Variants in MDGA2 observed in about 807,000 individuals in gnomAD.
MDGA2 encodes the protein MAM domain-containing glycosylphosphatidylinositol anchor protein 2.
MDGA2 carries 40 observed loss-of-function variants against 117.8 expected under a neutral mutation model. The ratio of observed to expected loss-of-function variants is 0.34; its 90% confidence interval spans 0.26 to 0.44. The LOEUF (loss-of-function observed/expected upper bound fraction) is 0.44, where lower values mean the gene tolerates loss of function less well. MDGA2 is among the 20% of genes least tolerant of loss of function. The probability of loss-of-function intolerance (pLI) is 1.00; values close to 1 mark genes in which losing one functional copy is unlikely to be tolerated. For missense variants in MDGA2, 1,123 were observed against 1,250.6 expected (o/e 0.90, Z 1.54); for synonymous variants, 452 against 439.0 (o/e 1.03, Z -0.37).
intron 9 of MDGA2, among the ~76,000 whole-genome samples, chr14:46,953,888 C>T (rs529924564): frequency 9.9e-5 from 15 of 152,052 alleles, no homozygotes; most frequent in African/African-American, 1.9e-4. Context: ...TGTATCTTCA[C>T]GTTCAAAAAA....
intron 3 of MDGA2, among the ~76,000 whole-genome samples, chr14:47,180,195 C>G (rs1884643035): frequency 6.6e-6 from 1 of 152,108 alleles, no homozygotes; most frequent in African/African-American, 2.4e-5. Context: ...ACCCTCTGGC[C>G]TCTGTTAGGC....
At chr14:47,155,402 G>C (rs1163899161) in intron 3 of MDGA2, among the ~76,000 whole-genome samples, 2 of 152,052 alleles carry the variant, frequency 1.3e-5, no homozygotes, top group African/African-American at 4.8e-5. Context: ...GGTCCTTCGG[G>C]AAACCCAGAC....
intron 9 of MDGA2, among the ~76,000 whole-genome samples, chr14:46,941,695 G>A (rs1885006187): frequency 6.6e-6 from 1 of 152,138 alleles, no homozygotes; most frequent in Non-Finnish European, 1.5e-5. Flanking sequence ...AAGAATAGCA[G>A]TACTAAACAT....
intron 1 of MDGA2, among the ~76,000 whole-genome samples, chr14:47,526,338 G>T (rs1022492675): frequency 3.3e-5 from 5 of 152,048 alleles, no homozygotes; most frequent in African/African-American, 1.2e-4. Flanking sequence ...TCTCCAAATA[G>T]AATTTTATTT....
At chr14:47,388,623 A>C (rs2138432490) in intron 1 of MDGA2, among the ~76,000 whole-genome samples, 1 of 152,232 alleles carries the variant, frequency 6.6e-6, no homozygotes, top group African/African-American at 2.4e-5. Flanking sequence ...TGAAATCAGG[A>C]CTCTGAGATG....
intron 1 of MDGA2, among the ~76,000 whole-genome samples, chr14:47,548,994 C>T (rs939387180): frequency 2.0e-5 from 3 of 151,982 alleles, no homozygotes; most frequent in East Asian, 1.9e-4. Context: ...ATGAGCTCTA[C>T]GTGAGGTAAA....
intron 1 of MDGA2, among the ~76,000 whole-genome samples, chr14:47,645,762 A>AAC (rs1344083227): frequency 6.6e-6 from 1 of 152,022 alleles, no homozygotes; most frequent in Non-Finnish European, 1.5e-5. Flanking sequence ...GATTAACAAT[A>AAC]ACACCCAATA....
At chr14:47,209,943 C>A (rs1885821820) in intron 3 of MDGA2, among the ~76,000 whole-genome samples, 1 of 152,096 alleles carries the variant, frequency 6.6e-6, no homozygotes, top group Admixed American at 6.6e-5. Flanking sequence ...GGATTGTTTT[C>A]TTTCCAGGGT....
intron 9 of MDGA2, among the ~76,000 whole-genome samples, chr14:46,924,342 C>T (rs978676961): frequency 2.0e-5 from 3 of 151,472 alleles, no homozygotes; most frequent in African/African-American, 7.3e-5. Context: ...ATTATTATTC[C>T]CACTATGAAC....
At chr14:47,286,967 A>G (rs775280862) in intron 2 of MDGA2, among the ~76,000 whole-genome samples, 2 of 151,638 alleles carry the variant, frequency 1.3e-5, no homozygotes, top group Non-Finnish European at 2.9e-5. Flanking sequence ...TTATAATTCT[A>G]CGATAATCAT....
chr14:47,239,029 G>A (rs1886955132), intron 2 of MDGA2, among the ~76,000 whole-genome samples: 1 of 151,392 alleles, frequency 6.6e-6, no homozygotes, highest in Admixed American at 6.6e-5. Context: ...CTCCATTACT[G>A]GTGTTTATGT....
intron 10 of MDGA2, among the ~76,000 whole-genome samples, chr14:46,897,564 G>T (rs1399851659): frequency 6.7e-6 from 1 of 149,014 alleles, no homozygotes; most frequent in Non-Finnish European, 1.5e-5. Context: ...CTCCTTATAT[G>T]TTAAAGTCTA....
chr14:47,591,873 A>G (rs962205294), intron 1 of MDGA2, among the ~76,000 whole-genome samples: 4 of 152,134 alleles, frequency 2.6e-5, no homozygotes, highest in Non-Finnish European at 1.5e-5. Context: ...AAACCGGCAC[A>G]AGACAAAGAT....
At chr14:47,474,101 G>A (rs12434858) in intron 1 of MDGA2, among the ~76,000 whole-genome samples, 42,407 of 152,046 alleles carry the variant, frequency 0.28, 6,290 homozygotes, top group South Asian at 0.52. Flanking sequence ...CAGCCTAAAA[G>A]CTTCTTAAGC....
chr14:47,269,715 C>T (rs180977162), intron 2 of MDGA2, among the ~76,000 whole-genome samples: 15 of 152,124 alleles, frequency 9.9e-5, no homozygotes, highest in Non-Finnish European at 2.1e-4. Context: ...CAGATTTTAA[C>T]ATAAAAATTT....
chr14:47,044,573 T>C (rs1316037099), intron 7 of MDGA2, among the ~76,000 whole-genome samples: 1 of 152,130 alleles, frequency 6.6e-6, no homozygotes, highest in Non-Finnish European at 1.5e-5. Flanking sequence ...ATGCCTACCG[T>C]TTTTGTCCAT....
At position 46,855,106 on chromosome 14, in the gene MDGA2, T is replaced by A. The variant is rs1178287921; in HGVS notation, c.2801A>T (p.Asn934Ile). ...LRLKGQTTIE[N>I]PLWSSSGNKG... ...ATTCCCACTTGAAGACCACAGTGGA[T>A]TCTCTATTGTTGTTTGCCCTTTCAA... The change falls in exon 15 of 17, where the codon AAT (asparagine) becomes ATT (isoleucine). Residue 934 changes from asparagine (N) to isoleucine (I), a missense_variant. Physicochemically the swap from Asn to Ile is moderately radical, Grantham distance 149. Transcript: ENST00000399232. This position sits in a 1 kb window ranked among gnomAD's most constrained non-coding sequence, Gnocchi z 4.1. 3 of 1,610,878 alleles carry A rather than the reference T, an allele frequency of 1.9e-6. No homozygotes were observed. Among genetic ancestry groups the A allele is most frequent in the Non-Finnish European group, 2.5e-6 (3 of 1,177,934 alleles).
intron 9 of MDGA2, among the ~76,000 whole-genome samples, chr14:46,944,661 A>T (rs1247372077): frequency 6.6e-6 from 1 of 151,856 alleles, no homozygotes; most frequent in Non-Finnish European, 1.5e-5. Flanking sequence ...ATCAGGTTGT[A>T]TCAGCTCTTT....
chr14:47,209,256 C>A (rs998953363), intron 3 of MDGA2, among the ~76,000 whole-genome samples: 1 of 152,096 alleles, frequency 6.6e-6, no homozygotes, highest in Non-Finnish European at 1.5e-5. Context: ...TTATCTCTCA[C>A]CAGTAGTTCG....
Sources: gnomAD v4.1 joint callset for allele counts (sites outside exome capture counted in the v4.1 genomes callset) on GRCh38, gnomAD v4.1.1 for gene constraint, Gnocchi (gnomAD v3.1) non-coding constraint, MANE v1.5 for transcripts, NCBI Gene and HGNC (gene_info 2026-07-23, HGNC 2026-07-21) for gene names.